Variants in HNRNPUL2 observed in about 807,000 individuals in gnomAD.
HNRNPUL2 encodes the protein heterogeneous nuclear ribonucleoprotein U-like protein 2.
A neutral mutation model predicts 102.2 loss-of-function variants in HNRNPUL2; 27 were observed. The ratio of observed to expected loss-of-function variants is 0.26; its 90% CI spans 0.19 to 0.36. HNRNPUL2 has a LOEUF of 0.36. Ranked by LOEUF, HNRNPUL2 falls within the 10% of genes least tolerant of loss-of-function variation. The pLI is 1.00. For missense variants in HNRNPUL2, 936 were observed against 981.1 expected (o/e 0.95, Z 0.61); for synonymous variants, 458 against 387.2 (o/e 1.18, Z -2.15).
chr11:62,725,355 G>A (rs2083737321), intron 1 of HNRNPUL2, among the ~76,000 whole-genome samples: 3 of 152,050 alleles, frequency 2.0e-5, no homozygotes, highest in Non-Finnish European at 4.4e-5. Flanking sequence ...CCGCCATCAC[G>A]CCCGGCTAAT....
In HNRNPUL2 at chr11:62,715,986, G is replaced by A. The variant is rs375092244; in HGVS notation, c.1982-49C>T. The A allele has an allele frequency of 2.8e-6, 4 of 1,438,998 alleles. No individual in the cohort carries two copies. In the African/African-American group the frequency reaches 5.7e-5, roughly 21 times the overall value. The allele number at this position is 1,438,998 out of a possible 1,614,324, so 89.1% of individuals were successfully genotyped here. ...CTCAGACAGCTGGCATGGGGTCCTGGCTCCACATCTGGGTGGAAATCAAAA... is the reference window on the plus strand; with the variant it reads ...CTCAGACAGCTGGCATGGGGTCCTGACTCCACATCTGGGTGGAAATCAAAA... On this transcript the variant is annotated intron_variant, in intron 11 of 13. Transcript: ENST00000301785.
intron 11 of HNRNPUL2, among the ~76,000 whole-genome samples, chr11:62,716,170 C>T (rs542504198): frequency 2.6e-5 from 4 of 152,278 alleles, no homozygotes; most frequent in Admixed American, 2.0e-4. Flanking sequence ...TTTTGAAGCT[C>T]CCCAATTCCT....
chr11:62,720,435 T>C (rs578072611), intron 9 of HNRNPUL2, among the ~76,000 whole-genome samples: 2 of 151,762 alleles, frequency 1.3e-5, no homozygotes, highest in East Asian at 1.9e-4. Flanking sequence ...TCCCAGCTAT[T>C]TGGGAGGCTG....
chr11:62,727,183 G>C lies in HNRNPUL2; in HGVS notation c.-27C>G. 2 of 1,405,830 alleles carry C rather than the reference G, an allele frequency of 1.4e-6. No individual in the cohort carries two copies. The highest frequency in any genetic ancestry group is 1.9e-6 in the Non-Finnish European group (2 of 1,079,718). The allele number at this position is 1,405,830 out of a possible 1,614,324, so 87.1% of individuals were successfully genotyped here. ...GCCGCCGCCGCCTCCTCCGCCTCCCGCCGCCTCCTCCCCTGCGAACCGTCG... is the reference window on the plus strand; with the variant it reads ...GCCGCCGCCGCCTCCTCCGCCTCCCCCCGCCTCCTCCCCTGCGAACCGTCG... On this transcript the variant is annotated 5_prime_UTR_variant, in exon 1 of 14. Transcript: ENST00000301785.
chr11:62,715,655 G>T, intron 12 of HNRNPUL2, 48 bp from the exon 13 acceptor site: 1 of 1,408,778 alleles, frequency 7.1e-7, no homozygotes. Context: ...GTTTTTGGCA[G>T]CATGACCCAC....
intron 10 of HNRNPUL2, 37 bp from the exon 11 acceptor site, chr11:62,717,226 G>A: frequency 2.0e-6 from 3 of 1,504,328 alleles, no homozygotes; most frequent in Non-Finnish European, 2.8e-6. Context: ...GGCCTGAAAA[G>A]TGCATAGATG....
chr11:62,721,853 G>A lies in HNRNPUL2; in HGVS notation c.1449C>T (p.Val483=), dbSNP rs1050323587. Residue 483 remains valine (V), a synonymous_variant, in exon 8 of 14, where the codon GTC becomes GTT. Coordinates refer to ENST00000301785, the MANE Select transcript of HNRNPUL2 (RefSeq NM_001079559.3). ...AKENPEKRYN[V]LGAETVLNQM... ...GATTGAGCACAGTCTCAGCTCCCAGGACATTGTATCTTTTCTCAGGGTTTT... is the reference window on the plus strand; with the variant it reads ...GATTGAGCACAGTCTCAGCTCCCAGAACATTGTATCTTTTCTCAGGGTTTT... The A allele has an allele frequency of 6.2e-6, 10 of 1,614,176 alleles. No individual in the cohort carries two copies. Among genetic ancestry groups the A allele is most frequent in the Non-Finnish European group, 8.5e-6 (10 of 1,180,028 alleles).
intron 10 of HNRNPUL2, among the ~76,000 whole-genome samples, chr11:62,717,917 C>G (rs1435957132): frequency 6.6e-6 from 1 of 152,238 alleles, no homozygotes; most frequent in African/African-American, 2.4e-5. Flanking sequence ...ATCTGCCAGT[C>G]TCTGGACGTC....
rs2083714489 is a variant in HNRNPUL2 at position 62,722,897 on chromosome 11, G to C, written c.898C>G (p.Gln300Glu). ...CAGCCTTCTTTCATTGGGAGATTCT[G>C]GGTTACCTGGCCAAGTCAGAAAGGG... ...GKVCFEAKVTQNLPMKEGCTE... is the reference protein window; with the variant it reads ...GKVCFEAKVTENLPMKEGCTE... Residue 300 changes from glutamine to glutamate, a missense_variant, in exon 5 of 14, where the codon CAG becomes GAG. Around this residue, in one of 2 missense-constraint regions of HNRNPUL2, gnomAD observed 609 missense variants for 713.0 expected, o/e 0.85. Transcript: ENST00000301785. The C allele has an allele frequency of 1.2e-6, 2 of 1,613,820 alleles. No individual in the cohort carries two copies. The highest frequency in any genetic ancestry group is 2.7e-5 in the African/African-American group (2 of 74,906).
At chr11:62,720,329 T>TGATCAGAGGTGGG in intron 9 of HNRNPUL2, 138 bp from the exon 10 acceptor site, 1 of 717,924 alleles carries the variant, frequency 1.4e-6, no homozygotes. Flanking sequence ...GCAGATCATC[T>TGATCAGAGGTGGG]CAGGTCAGGA....
In HNRNPUL2 at chr11:62,723,002, T is replaced by C. The variant is rs1237210995; in HGVS notation, c.892-99A>G. On this transcript the variant is annotated intron_variant, in intron 4 of 13. Coordinates refer to ENST00000301785, the MANE Select transcript of HNRNPUL2 (RefSeq NM_001079559.3). ...ATTTTTATACAAACTGAAAACGACA[T>C]TTACCTCAACTCAACATCAGAATAA... 16 of 817,982 alleles carry C rather than the reference T, an allele frequency of 2.0e-5. No homozygotes were observed. The Admixed American group carries it at 3.4e-4, about 17-fold the overall frequency. 50.7% of individuals were successfully genotyped at this position (817,982 alleles called of 1,614,324 possible).
intron 9 of HNRNPUL2, among the ~76,000 whole-genome samples, chr11:62,721,016 T>A (rs999444478): frequency 1.2e-4 from 18 of 152,160 alleles, no homozygotes; most frequent in African/African-American, 4.3e-4. Context: ...TCAGAAAGGA[T>A]AAGGGACTTA....
At chr11:62,716,761 G>A (rs1173775050) in intron 11 of HNRNPUL2, among the ~76,000 whole-genome samples, 1 of 152,224 alleles carries the variant, frequency 6.6e-6, no homozygotes, top group Non-Finnish European at 1.5e-5. Context: ...TTTGTGAAAA[G>A]TAACTCTTTT....
intron 10 of HNRNPUL2, 84 bp from the exon 11 acceptor site, chr11:62,717,273 AT>A: frequency 1.0e-6 from 1 of 969,458 alleles, no homozygotes; most frequent in Non-Finnish European, 1.5e-6. Context: ...CAAGAAGCAT[AT>A]GACTTTCTAT....
chr11:62,715,504 C>G lies in HNRNPUL2; in HGVS notation c.2159G>C (p.Arg720Pro). 1 of 1,609,262 alleles carries G rather than the reference C, an allele frequency of 6.2e-7. No individual in the cohort carries two copies. The highest frequency in any genetic ancestry group is 8.5e-7 in the Non-Finnish European group (1 of 1,175,942). The change falls in exon 13 of 14, where the codon CGG (arginine) becomes CCG (proline). Residue 720 changes from arginine to proline, a missense_variant. Physicochemically the swap from Arg to Pro is moderately radical, Grantham distance 103 (BLOSUM62 -2). This residue lies in a region of HNRNPUL2 where 609 missense variants were observed against 713.0 expected (regional missense o/e 0.85). Transcript: ENST00000301785. ...CTATCCCAAGAAGATACTCACATCC[C>G]GATTGTATTGTCTGTAATAGTCTCT... ...RYRDYYRQYN[R>P]DWQSYYYHHP...
chr11:62,718,201 G>GGA (rs1565160280), intron 10 of HNRNPUL2, among the ~76,000 whole-genome samples: 1 of 151,422 alleles, frequency 6.6e-6, no homozygotes, highest in African/African-American at 2.4e-5. Flanking sequence ...GCAGCAATGG[G>GGA]AAAAAAAATC....
rs2083640948 is a variant in HNRNPUL2, at chr11:62,714,179, T to C, written c.*1120A>G. The stretch of plus-strand genomic sequence containing the variant: ...TCCCCTCTTCTATTCATTCTCTACC[T>C]GTGTATCAAAAAAACCAGCAGGGCA... On this transcript the variant is annotated 3_prime_UTR_variant, in exon 14 of 14. Transcript: ENST00000301785. 1 of 110,334 alleles carries C rather than the reference T, an allele frequency of 9.1e-6. No individual in the cohort carries two copies. The highest frequency in any genetic ancestry group is 1.4e-4 in the Admixed American group (1 of 7,394). The allele number at this position is 110,334 out of a possible 1,614,324, so 6.8% of individuals were successfully genotyped here. A position where few individuals can be genotyped will look rare whatever the true frequency, so the allele number is the denominator to read the frequency against.
chr11:62,718,694 T>A (rs1460630682), intron 10 of HNRNPUL2, among the ~76,000 whole-genome samples: 9 of 119,616 alleles, frequency 7.5e-5, no homozygotes, highest in Non-Finnish European at 1.2e-4. Flanking sequence ...ACTCTGTCTT[T>A]AAAAAAAAAA....
rs2083720801 is a variant in HNRNPUL2 at position 62,723,574 on chromosome 11, C to T, written c.891+13G>A. On this transcript the variant is annotated intron_variant, in intron 4 of 13. Transcript: ENST00000301785. Reference sequence around the variant, plus strand: ...ATAAATGAATGAATGAATGAATGGTCTTAATGAGCTACCTTTGCCTCAAAG... The same window carrying T: ...ATAAATGAATGAATGAATGAATGGTTTTAATGAGCTACCTTTGCCTCAAAG... 6.3e-7 allele frequency: 1 copy of T among 1,589,234 alleles called. No homozygotes were observed. Among genetic ancestry groups the T allele is most frequent in the Non-Finnish European group, 8.6e-7 (1 of 1,167,226 alleles).
Sources: allele counts gnomAD v4.1 joint callset (sites outside exome capture counted in the v4.1 genomes callset), GRCh38; gene constraint gnomAD v4.1.1; regional missense constraint gnomAD v4.1.1; transcripts MANE v1.5; gene names NCBI Gene and HGNC (gene_info 2026-07-23, HGNC 2026-07-21).